The following MAP2K3 variants were observed in gnomAD, a reference collection of about 807,000 sequenced individuals.
The protein encoded by MAP2K3 is dual specificity mitogen-activated protein kinase kinase 3.
MAP2K3 carries 30 observed loss-of-function variants against 46.4 expected under a neutral mutation model. The observed-to-expected ratio is 0.65, with a 90% confidence interval of 0.48 to 0.88. MAP2K3 has a LOEUF of 0.88. Ranked by LOEUF, MAP2K3 falls within the 40% of genes least tolerant of loss-of-function variation. MAP2K3 has a pLI of 0.00. For synonymous variants in MAP2K3, 189 were observed against 176.3 expected, an observed-to-expected ratio of 1.07 and a Z score of -0.57; for missense variants, 380 against 464.5, an observed-to-expected ratio of 0.82 and a Z score of 1.67.
chr17:21,312,436 G>A (rs1977211043), intron 10 of MAP2K3, among the ~76,000 whole-genome samples, 155 bp downstream of exon 10: 1 of 152,136 alleles, frequency 6.6e-6, no homozygotes, highest in African/African-American at 2.4e-5. Flanking sequence ...AGCATGAGGA[G>A]CATTTGACAA....
chr17:21,286,737 A>G (rs909956269), intron 1 of MAP2K3, among the ~76,000 whole-genome samples: 4 of 152,220 alleles, frequency 2.6e-5, no homozygotes, highest in African/African-American at 9.6e-5. Context: ...GAGTTGTGAA[A>G]GGAGAGGGGT....
intron 1 of MAP2K3, among the ~76,000 whole-genome samples, chr17:21,295,044 T>G (rs1282597131): frequency 6.6e-6 from 1 of 152,310 alleles, no homozygotes; most frequent in African/African-American, 2.4e-5. Flanking sequence ...CACTGGGGCC[T>G]GCGCAGTCAG....
At chr17:21,292,242 CTCTT>C (rs1269246024) in intron 1 of MAP2K3, among the ~76,000 whole-genome samples, 3 of 152,312 alleles carry the variant, frequency 2.0e-5, no homozygotes, top group African/African-American at 7.2e-5. Context: ...TCAAGCAGGC[CTCTT>C]TGTTTCTTCT....
chr17:21,310,470 A>G (rs9901404), intron 9 of MAP2K3, among the ~76,000 whole-genome samples: 88,299 of 152,098 alleles, frequency 0.58, 26,942 homozygotes, highest in African/African-American at 0.78. Flanking sequence ...GGAGCGACTG[A>G]TGAAACAGAG....
At chr17:21,287,549 T>C (rs1485104637) in intron 1 of MAP2K3, among the ~76,000 whole-genome samples, 2 of 152,252 alleles carry the variant, frequency 1.3e-5, no homozygotes, top group Non-Finnish European at 2.9e-5. Flanking sequence ...TTCCATGCCA[T>C]GGGCCTGGGG....
Position 21,302,178 on chromosome 17 carries a change from A to G in MAP2K3, c.435A>G (p.Thr145=), listed in dbSNP as rs1976641900. 2 of 1,614,172 alleles carry G rather than the reference A, an allele frequency of 1.2e-6. No homozygotes were observed. The highest frequency in any genetic ancestry group is 1.3e-5 in the African/African-American group (1 of 74,968). Residue 145 remains threonine (T), a synonymous_variant, in exon 6 of 12, where the codon ACA becomes ACG. Coordinates refer to ENST00000342679, the MANE Select transcript of MAP2K3 (RefSeq NM_145109.3). The part of the protein sequence containing the change: ...DVWICMELMD[T]SLDKFYRKVL... ...GGATCTGCATGGAGCTCATGGACAC[A>G]TCCTTGGACAAGTTCTACCGGAAGG...
chr17:21,294,443 C>T (rs1976125327), intron 1 of MAP2K3, among the ~76,000 whole-genome samples: 1 of 152,308 alleles, frequency 6.6e-6, no homozygotes, highest in African/African-American at 2.4e-5. Flanking sequence ...TCATCTTGCC[C>T]CTGTGGGTGA....
At chr17:21,288,389 T>A (rs186971568) in intron 1 of MAP2K3, among the ~76,000 whole-genome samples, 1 of 152,320 alleles carries the variant, frequency 6.6e-6, no homozygotes, top group Admixed American at 6.5e-5. Flanking sequence ...TTTACCACCC[T>A]TGGCCCAGGG....
intron 5 of MAP2K3, 135 bp from the exon 6 acceptor site, chr17:21,302,008 G>A (rs889718287): frequency 2.1e-5 from 18 of 854,996 alleles, no homozygotes; most frequent in Admixed American, 5.9e-5. Context: ...GTGGGAGCCC[G>A]GTGAACTGTG....
In MAP2K3 at chr17:21,302,176, A is replaced by T; in HGVS notation, c.433A>T (p.Thr145Ser). ...DVWICMELMD[T>S]SLDKFYRKVL... ...GTGGATCTGCATGGAGCTCATGGAC[A>T]CATCCTTGGACAAGTTCTACCGGAA... Residue 145 changes from threonine to serine, a missense_variant, in exon 6 of 12, where the codon ACA becomes TCA. Thr to Ser is a moderately conservative substitution (Grantham distance 58). Transcript: ENST00000342679. The T allele has an allele frequency of 6.2e-7, 1 of 1,614,266 alleles. No homozygotes were observed. Among genetic ancestry groups the T allele is most frequent in the African/African-American group, 1.3e-5 (1 of 75,080 alleles).
chr17:21,298,093 C>T (rs1314238498), intron 1 of MAP2K3, among the ~76,000 whole-genome samples: 1 of 152,312 alleles, frequency 6.6e-6, no homozygotes, highest in Non-Finnish European at 1.5e-5. Context: ...ACTAGTCAGG[C>T]AGGGCAGTGA....
At chr17:21,290,647 T>C (rs1216863690) in intron 1 of MAP2K3, among the ~76,000 whole-genome samples, 1 of 152,310 alleles carries the variant, frequency 6.6e-6, no homozygotes, top group Non-Finnish European at 1.5e-5. Flanking sequence ...GTTTTTGGTA[T>C]GTCTCATCAT....
chr17:21,298,025 G>A (rs1399174283), intron 1 of MAP2K3, among the ~76,000 whole-genome samples: 1 of 152,308 alleles, frequency 6.6e-6, no homozygotes, highest in Non-Finnish European at 1.5e-5. Context: ...CTGTACAGTG[G>A]CTGCTGCAGG....
Position 21,296,089 on chromosome 17 carries a change from G to T in MAP2K3, c.50-2324G>T, listed in dbSNP as rs746221658. 93 of 1,289,358 alleles carry T rather than the reference G, an allele frequency of 7.2e-5. No individual in the cohort carries two copies. In the African/African-American group the frequency reaches 1.4e-3, roughly 19 times the overall value. 79.9% of individuals were successfully genotyped at this position (1,289,358 alleles called of 1,614,324 possible). A position where few individuals can be genotyped will look rare whatever the true frequency, so the allele number is the denominator to read the frequency against. ...GTTTTTTTTTTCACCTCTGCAGAGA[G>T]GCTGGTCATATCCATGGTGACCATT... is the stretch of plus-strand genomic sequence containing the variant. On this transcript the variant is annotated intron_variant, in intron 1 of 11. Coordinates refer to ENST00000342679, the MANE Select transcript of MAP2K3 (RefSeq NM_145109.3).
rs775653621 is a variant in MAP2K3 at position 21,298,880 on chromosome 17, C to T, written c.119C>T (p.Pro40Leu). ...MSKPPAPNPT[P>L]PRNLDSRTFI... Reference sequence around the variant, plus strand: ...CACGGAGTCTTCTTTCTCCACAGACCCCCCCGGAACCTGGACTCCCGGACC... The same window carrying T: ...CACGGAGTCTTCTTTCTCCACAGACTCCCCCGGAACCTGGACTCCCGGACC... The change falls in exon 3 of 12, where the codon CCC becomes CTC. Residue 40 changes from proline to leucine, a missense_variant and splice_region_variant. Pro to Leu is a moderately conservative substitution (Grantham distance 98, BLOSUM62 -3). Coordinates refer to ENST00000342679, the MANE Select transcript of MAP2K3 (RefSeq NM_145109.3). 6 of 1,614,142 alleles carry T rather than the reference C, an allele frequency of 3.7e-6. No homozygotes were observed. The highest frequency in any genetic ancestry group is 3.3e-5 in the South Asian group (3 of 91,092).
At chr17:21,294,799 A>T (rs1976147188) in intron 1 of MAP2K3, among the ~76,000 whole-genome samples, 1 of 152,306 alleles carries the variant, frequency 6.6e-6, no homozygotes, top group African/African-American at 2.4e-5. Flanking sequence ...CATGACGCTG[A>T]TAACCCGGGG....
intron 2 of MAP2K3, 117 bp from the exon 3 acceptor site, chr17:21,298,761 C>A (rs879229541): frequency 2.0e-6 from 3 of 1,488,670 alleles, no homozygotes; most frequent in East Asian, 2.3e-5. Context: ...GGAGAAGGCG[C>A]CTCCGGGGCA....
chr17:21,292,367 AT>A (rs1459143156), intron 1 of MAP2K3, among the ~76,000 whole-genome samples: 39 of 151,930 alleles, frequency 2.6e-4, no homozygotes, highest in African/African-American at 9.4e-4. Context: ...ACACTCCAGC[AT>A]TTTCTTTCCT....
intron 9 of MAP2K3, among the ~76,000 whole-genome samples, chr17:21,307,886 C>T (rs1331236507): frequency 7.6e-6 from 1 of 131,814 alleles, no homozygotes; most frequent in East Asian, 2.3e-4. Flanking sequence ...GACGGAGTTG[C>T]ACTCTGTTGC....
Sources: gnomAD v4.1 joint callset for allele counts (sites outside exome capture counted in the v4.1 genomes callset) on GRCh38, gnomAD v4.1.1 for gene constraint, MANE v1.5 for transcripts, NCBI Gene and HGNC (gene_info 2026-07-23, HGNC 2026-07-21) for gene names.